The following CAMTA1 variants were observed in gnomAD, a reference collection of about 807,000 sequenced individuals.
CAMTA1 encodes calmodulin binding transcription activator 1.
CAMTA1 carries 27 observed loss-of-function variants against 170.9 expected under a neutral mutation model. That is an observed-to-expected ratio of 0.16 (90% confidence interval 0.12 to 0.22). CAMTA1 has a LOEUF of 0.22. CAMTA1 is among the 10% of genes least tolerant of loss of function. The pLI is 1.00. For synonymous variants in CAMTA1, 833 were observed against 891.5 expected, an observed-to-expected ratio of 0.93 and a Z score of 1.17; for missense variants, 1,619 against 2,217.2, an observed-to-expected ratio of 0.73 and a Z score of 5.42.
intron 5 of CAMTA1, among the ~76,000 whole-genome samples, chr1:7,390,237 G>A (rs2088537973): frequency 1.3e-5 from 2 of 152,188 alleles, no homozygotes; most frequent in African/African-American, 4.8e-5. Context: ...GCGAGCTTAG[G>A]GTTCACAGGG....
At chr1:6,789,799 T>A (rs1378722144) in intron 1 of CAMTA1, among the ~76,000 whole-genome samples, 1 of 143,468 alleles carries the variant, frequency 7.0e-6, no homozygotes, top group Non-Finnish European at 1.5e-5. Flanking sequence ...GACATTTTAG[T>A]GTATCTTTTT....
chr1:7,358,232 G>A (rs1267861027), intron 5 of CAMTA1, among the ~76,000 whole-genome samples: 1 of 152,156 alleles, frequency 6.6e-6, no homozygotes. Context: ...TGAGCTTTTC[G>A]GTTGCTTTTC....
At chr1:6,874,051 G>A (rs1224907395) in intron 3 of CAMTA1, 2 of 152,212 alleles carry the variant, frequency 1.3e-5, no homozygotes, top group African/African-American at 4.8e-5. Flanking sequence ...ACATTTCATC[G>A]ATGCTACTTC....
chr1:6,914,118 T>G (rs1229368613), intron 3 of CAMTA1, among the ~76,000 whole-genome samples: 1 of 149,928 alleles, frequency 6.7e-6, no homozygotes, highest in East Asian at 1.9e-4. Flanking sequence ...TTTTTTTTTT[T>G]TTTGAGATAG....
At chr1:6,878,295 A>C (rs1180528593) in intron 3 of CAMTA1, among the ~76,000 whole-genome samples, 1 of 152,234 alleles carries the variant, frequency 6.6e-6, no homozygotes, top group African/African-American at 2.4e-5. Context: ...AAGACAATAC[A>C]TCAAAGTTAT....
intron 5 of CAMTA1, among the ~76,000 whole-genome samples, chr1:7,342,450 T>C (rs950604313): frequency 6.6e-6 from 1 of 152,082 alleles, no homozygotes; most frequent in Non-Finnish European, 1.5e-5. Flanking sequence ...TGTGTGGGAA[T>C]TGAGGCTCAG....
At chr1:7,076,476 C>T (rs796549548) in intron 3 of CAMTA1, among the ~76,000 whole-genome samples, 6 of 152,216 alleles carry the variant, frequency 3.9e-5, no homozygotes, top group South Asian at 4.2e-4. Flanking sequence ...ATAACATTAA[C>T]GAGCAAGAGA....
chr1:7,680,135 G>C lies in CAMTA1; in HGVS notation c.2914+2402G>C, dbSNP rs902634023. ...CGCGGGAACAGCTAGTCGGGAGCGC[G>C]GGGGTCCCGGGCCTCTGGCCAGCCA... On this transcript the variant is annotated intron_variant, in intron 11 of 22. Coordinates refer to ENST00000303635, the MANE Select transcript of CAMTA1 (RefSeq NM_015215.4). The surrounding 1 kb of genome is among the most constrained non-coding windows in gnomAD (Gnocchi z 4.4). The C allele has an allele frequency of 1.6e-5, 3 of 184,356 alleles. No individual in the cohort carries two copies. Among genetic ancestry groups the C allele is most frequent in the Non-Finnish European group, 3.6e-5 (3 of 84,232 alleles). The allele number at this position is 184,356 out of a possible 1,614,324, so 11.4% of individuals were successfully genotyped here. A position where few individuals can be genotyped will look rare whatever the true frequency, so the allele number is the denominator to read the frequency against.
intron 5 of CAMTA1, among the ~76,000 whole-genome samples, chr1:7,407,180 A>C (rs1288566624): frequency 6.6e-6 from 1 of 152,150 alleles, no homozygotes; most frequent in Non-Finnish European, 1.5e-5. Flanking sequence ...TAGTGATAAT[A>C]TGCTCCTTCC....
At position 7,044,566 on chromosome 1, in the gene CAMTA1, G is replaced by A. The variant is rs769454520; in HGVS notation, c.235-46738G>A. ...GCACATGCGTGATTAGCAGATGGGT[G>A]ATGGGGCCTCTAGCGGGCAGATTCT... On this transcript the variant is annotated intron_variant, in intron 3 of 22. Transcript: ENST00000303635. This position sits in a 1 kb window ranked among gnomAD's most constrained non-coding sequence, Gnocchi z 5.0. 1.3e-5 allele frequency among the ~76,000 whole-genome samples: 2 copies of A among 152,196 alleles called. No homozygotes were observed. The highest frequency in any genetic ancestry group is 2.9e-5 in the Non-Finnish European group (2 of 68,024).
intron 6 of CAMTA1, among the ~76,000 whole-genome samples, chr1:7,586,575 G>C (rs908357698): frequency 6.6e-6 from 1 of 152,154 alleles, no homozygotes; most frequent in African/African-American, 2.4e-5. Flanking sequence ...CCGTCCCCAT[G>C]GGCCTGCAGC....
intron 5 of CAMTA1, among the ~76,000 whole-genome samples, chr1:7,415,705 CTT>C (rs1334503080): frequency 2.0e-5 from 3 of 152,158 alleles, no homozygotes; most frequent in African/African-American, 4.8e-5. Context: ...GGTCTTGACT[CTT>C]TATCCAATTT....
chr1:7,002,473 G>A (rs1278618369), intron 3 of CAMTA1, among the ~76,000 whole-genome samples: 3 of 152,228 alleles, frequency 2.0e-5, no homozygotes, highest in Admixed American at 6.5e-5. Flanking sequence ...TTTAAATTGT[G>A]TGTTGGCCCA....
chr1:7,457,841 T>C (rs1335848184), intron 5 of CAMTA1, among the ~76,000 whole-genome samples: 1 of 151,932 alleles, frequency 6.6e-6, no homozygotes, highest in Non-Finnish European at 1.5e-5. Flanking sequence ...GTCTCCAGGG[T>C]CCCCACCTGG....
At position 7,443,844 on chromosome 1, in the gene CAMTA1, AG is replaced by A. The variant is rs199648914; in HGVS notation, c.439-23981del. On this transcript the variant is annotated intron_variant, in intron 5 of 22. Coordinates refer to ENST00000303635, the MANE Select transcript of CAMTA1 (RefSeq NM_015215.4). This position sits in a 1 kb window ranked among gnomAD's most constrained non-coding sequence, Gnocchi z 4.1. ...TCCAGGGTCCCAAGACAGCCTCTAC[AG>A]GGGGTCCCAGCTGAGCAGGCCAGAG... Among the ~76,000 whole-genome samples the A allele has an allele frequency of 1.4e-5, 2 of 140,422 alleles. No individual in the cohort carries two copies. The highest frequency in any genetic ancestry group is 2.2e-4 in the East Asian group (1 of 4,648). The allele number at this position is 140,422 out of a possible 152,430, so 92.1% of individuals were successfully genotyped here.
rs989447108 is a variant in CAMTA1, at chr1:6,971,847, C to T, written c.235-119457C>T. On this transcript the variant is annotated intron_variant, in intron 3 of 22. Transcript: ENST00000303635. The surrounding 1 kb of genome is among the most constrained non-coding windows in gnomAD (Gnocchi z 4.6). ...TGCTAACCCAGGTGTGACTTGGCTC[C>T]GCTGCCATTGGCGTCAGCAAGGCCC... is the stretch of plus-strand genomic sequence containing the variant. 2.0e-5 allele frequency among the ~76,000 whole-genome samples: 3 copies of T among 152,330 alleles called. No homozygotes were observed. The highest frequency in any genetic ancestry group is 4.8e-5 in the African/African-American group (2 of 41,568).
intron 5 of CAMTA1, among the ~76,000 whole-genome samples, chr1:7,306,209 A>C (rs899383345): frequency 6.6e-6 from 1 of 152,058 alleles, no homozygotes; most frequent in Non-Finnish European, 1.5e-5. Context: ...TCCAGGTCAC[A>C]GATATTTTCT....
At chr1:7,206,109 A>C (rs1280826587) in intron 4 of CAMTA1, among the ~76,000 whole-genome samples, 2 of 152,166 alleles carry the variant, frequency 1.3e-5, no homozygotes, top group African/African-American at 4.8e-5. Flanking sequence ...AAGGCTTTGT[A>C]GTATTTTTAG....
At chr1:6,842,871 C>T (rs1221218552) in intron 3 of CAMTA1, among the ~76,000 whole-genome samples, 1 of 151,728 alleles carries the variant, frequency 6.6e-6, no homozygotes, top group Admixed American at 6.6e-5. Flanking sequence ...TTGCAGTGAG[C>T]TGAGGTCGTG....
Sources: gnomAD v4.1 joint callset for allele counts (sites outside exome capture counted in the v4.1 genomes callset) on GRCh38, gnomAD v4.1.1 for gene constraint, Gnocchi (gnomAD v3.1) non-coding constraint, MANE v1.5 for transcripts, NCBI Gene and HGNC (gene_info 2026-07-23, HGNC 2026-07-21) for gene names.